Variants in RBFOX1 observed in about 807,000 individuals in gnomAD.
RBFOX1 encodes the protein RNA binding protein fox-1 homolog 1.
Under a neutral mutation model 57.7 loss-of-function variants are expected in RBFOX1, and 8 were observed. That is an observed-to-expected ratio of 0.14 (90% CI 0.08 to 0.25). The LOEUF (loss-of-function observed/expected upper bound fraction) is 0.25. RBFOX1 is among the 10% of genes least tolerant of loss of function. The probability of loss-of-function intolerance (pLI) is 1.00; values close to 1 mark genes in which losing one functional copy is unlikely to be tolerated. For missense variants in RBFOX1, 611 were observed against 548.5 expected, an observed-to-expected ratio of 1.11 and a Z score of -1.14; for synonymous variants, 326 against 222.4, an observed-to-expected ratio of 1.47 and a Z score of -4.15.
At chr16:6,789,379 G>C (rs1032434400) in intron 3 of RBFOX1, among the ~76,000 whole-genome samples, 1 of 152,130 alleles carries the variant, frequency 6.6e-6, no homozygotes, top group African/African-American at 2.4e-5. Context: ...CAATGTTAAG[G>C]GGTCCTAGGT....
intron 3 of RBFOX1, among the ~76,000 whole-genome samples, chr16:5,741,696 C>G (rs1339892545): frequency 2.0e-5 from 3 of 152,176 alleles, no homozygotes; most frequent in Admixed American, 6.5e-5. Flanking sequence ...TCAATGCTAT[C>G]ATAAATTTGG....
rs556374647 is a variant in RBFOX1 at position 6,592,551 on chromosome 16, C to A, written c.-63-62052C>A. Among the ~76,000 whole-genome samples the A allele has an allele frequency of 1.8e-4, 28 of 152,308 alleles. No homozygotes were observed. In the South Asian group the frequency reaches 5.4e-3, roughly 29 times the overall value. On this transcript the variant is annotated intron_variant, in intron 2 of 15. Coordinates refer to ENST00000550418, the MANE Select transcript of RBFOX1 (RefSeq NM_018723.4). ...TGAATAAGGTGAGAGACTTTGGAGT[C>A]AGATTACAGGAGTCCATATGCTGGC...
At chr16:7,255,844 C>G (rs568415766) in intron 4 of RBFOX1, among the ~76,000 whole-genome samples, 2 of 152,300 alleles carry the variant, frequency 1.3e-5, no homozygotes, top group South Asian at 4.1e-4. Flanking sequence ...CAGCACGTCT[C>G]ATTTCAGATC....
intron 4 of RBFOX1, among the ~76,000 whole-genome samples, chr16:7,413,777 T>C (rs1324498987): frequency 6.6e-6 from 1 of 152,152 alleles, no homozygotes; most frequent in Non-Finnish European, 1.5e-5. Context: ...GTATTTTCCT[T>C]GTAGCTTTGT....
intron 4 of RBFOX1, among the ~76,000 whole-genome samples, chr16:7,211,651 G>C (rs1405513218): frequency 1.3e-5 from 2 of 152,110 alleles, no homozygotes; most frequent in Non-Finnish European, 2.9e-5. Context: ...GCATTTCCAG[G>C]AGAAAATGAA....
intron 1 of RBFOX1, among the ~76,000 whole-genome samples, chr16:6,290,700 G>A (rs1018370438): frequency 1.3e-5 from 2 of 152,100 alleles, no homozygotes; most frequent in African/African-American, 4.8e-5. Context: ...TGTTTGTTGT[G>A]GTGGTGGTAG....
intron 4 of RBFOX1, among the ~76,000 whole-genome samples, chr16:7,398,253 G>A (rs576897038): frequency 3.0e-4 from 46 of 152,310 alleles, no homozygotes; most frequent in African/African-American, 1.1e-3. Context: ...CAGGAGCATA[G>A]GGTTGAATCT....
chr16:5,880,779 C>T (rs566327985), intron 4 of RBFOX1, among the ~76,000 whole-genome samples: 9 of 152,206 alleles, frequency 5.9e-5, no homozygotes, highest in Admixed American at 5.2e-4. Context: ...TTCAAATACA[C>T]AATACAAAAT....
rs528981566 is a variant in RBFOX1, at chr16:5,756,537, A to G, written c.319-110766A>G. On this transcript the variant is annotated intron_variant, in intron 3 of 19. Coordinates refer to the RBFOX1 transcript ENST00000641259. ...CTTGTCTCACATCCAGGGGCCAATAATAAAGATAAATTTGAGGAGTAATGA... is the reference window on the plus strand; with the variant it reads ...CTTGTCTCACATCCAGGGGCCAATAGTAAAGATAAATTTGAGGAGTAATGA... 9.9e-5 allele frequency among the ~76,000 whole-genome samples: 15 copies of G among 152,264 alleles called. No individual in the cohort carries two copies. In the South Asian group the frequency reaches 1.7e-3, roughly 17 times the overall value.
chr16:5,931,886 C>T (rs1382048164), intron 4 of RBFOX1, among the ~76,000 whole-genome samples: 2 of 152,320 alleles, frequency 1.3e-5, no homozygotes, highest in South Asian at 4.1e-4. Context: ...TAACTCACTG[C>T]AGCCTTGACC....
chr16:7,446,337 C>G (rs74323176), intron 4 of RBFOX1, among the ~76,000 whole-genome samples: 3,675 of 152,160 alleles, frequency 0.024, 150 homozygotes, highest in African/African-American at 0.085. Flanking sequence ...CATGTTGTCC[C>G]AGGAATGAAA....
intron 4 of RBFOX1, among the ~76,000 whole-genome samples, chr16:7,191,884 A>C (rs1360008233): frequency 2.0e-5 from 3 of 152,226 alleles, no homozygotes; most frequent in African/African-American, 7.2e-5. Flanking sequence ...GCAGAATGTA[A>C]GCCTTGGGAA....
chr16:6,745,783 G>C (rs2073451686), intron 3 of RBFOX1, among the ~76,000 whole-genome samples: 1 of 152,122 alleles, frequency 6.6e-6, no homozygotes, highest in African/African-American at 2.4e-5. Context: ...ATTTTAGCCA[G>C]TGATAATGAG....
intron 3 of RBFOX1, among the ~76,000 whole-genome samples, chr16:5,750,157 AGCAGCAGAG>A (rs1567488861): frequency 6.6e-6 from 1 of 152,204 alleles, no homozygotes; most frequent in Non-Finnish European, 1.5e-5. Context: ...CCTGGGTATC[AGCAGCAGAG>A]GCTGCAGAAC....
intron 3 of RBFOX1, among the ~76,000 whole-genome samples, chr16:5,802,663 C>A (rs1375517612): frequency 1.3e-5 from 2 of 152,152 alleles, no homozygotes; most frequent in South Asian, 4.1e-4. Flanking sequence ...GATTTCTTCC[C>A]TTTATAGGGA....
At chr16:5,280,508 T>A (rs2063245416) in intron 1 of RBFOX1, among the ~76,000 whole-genome samples, 1 of 152,182 alleles carries the variant, frequency 6.6e-6, no homozygotes, top group African/African-American at 2.4e-5. Flanking sequence ...TGAGAAGAAT[T>A]GGTGTTTGTT....
At chr16:6,471,101 C>G (rs1439221535) in intron 2 of RBFOX1, among the ~76,000 whole-genome samples, 1 of 152,160 alleles carries the variant, frequency 6.6e-6, no homozygotes, top group Non-Finnish European at 1.5e-5. Flanking sequence ...TATCATCTTA[C>G]CTGTGCCCCC....
chr16:5,919,890 T>A (rs1405730818), intron 4 of RBFOX1, among the ~76,000 whole-genome samples: 1 of 152,224 alleles, frequency 6.6e-6, no homozygotes, highest in South Asian at 2.1e-4. Context: ...CTGCCTTTTT[T>A]TTCACTGAGC....
In RBFOX1 at chr16:7,418,135, C is replaced by T. The variant is rs750015257; in HGVS notation, c.28-100012C>T. ...CTCTCCCCCACGGCCAACCTAGGTC[C>T]ATTAGCCATGCTGAGCTTGAGGATA... On this transcript the variant is annotated intron_variant, in intron 4 of 15. Transcript: ENST00000550418. Among the ~76,000 whole-genome samples, 10 of 152,190 alleles carry T rather than the reference C, an allele frequency of 6.6e-5. 1 individual carries two copies. In the East Asian group the frequency reaches 1.7e-3, roughly 26 times the overall value.
Sources: gnomAD v4.1 joint callset for allele counts (sites outside exome capture counted in the v4.1 genomes callset) on GRCh38, gnomAD v4.1.1 for gene constraint, MANE v1.5 for transcripts, NCBI Gene and HGNC (gene_info 2026-07-23, HGNC 2026-07-21) for gene names.